Variants in CAPN8 observed in about 807,000 individuals in gnomAD.
The protein encoded by CAPN8 is calpain 8, also known as calpain-8.
Under a neutral mutation model 80.9 loss-of-function variants are expected in CAPN8, and 87 were observed. The observed-to-expected ratio is 1.07, with a 90% CI of 0.90 to 1.28. CAPN8 has a LOEUF of 1.28. CAPN8 is among the 50% of genes most tolerant of loss of function. The pLI, the probability that CAPN8 is intolerant of heterozygous loss-of-function variation, is 0.00. For synonymous variants in CAPN8, 299 were observed against 273.8 expected (o/e 1.09, Z -0.91); for missense variants, 757 against 702.0 (o/e 1.08, Z -0.89).
chr1:223,646,840 G>A (rs1261627229), intron 2 of CAPN8, among the ~76,000 whole-genome samples: 1 of 152,148 alleles, frequency 6.6e-6, no homozygotes, highest in African/African-American at 2.4e-5. Context: ...CCTAACACTG[G>A]GGTCTGTGAA....
chr1:223,549,516 G>C (rs897369388), intron 15 of CAPN8, 134 bp from the exon 16 acceptor site: 2 of 1,363,094 alleles, frequency 1.5e-6, no homozygotes, highest in East Asian at 2.5e-5. Flanking sequence ...CAAAAGGGGA[G>C]AGCATCATGG....
chr1:223,550,277 G>A (rs1656748267), intron 15 of CAPN8, among the ~76,000 whole-genome samples: 1 of 152,226 alleles, frequency 6.6e-6, no homozygotes, highest in East Asian at 1.9e-4. Flanking sequence ...TCGTCCCTGG[G>A]AAGGGTATGA....
At chr1:223,617,719 A>G (rs1183223226) in intron 9 of CAPN8, 1 of 152,902 alleles carries the variant, frequency 6.5e-6, no homozygotes, top group Admixed American at 6.5e-5. Context: ...ACTCCCATTT[A>G]TATAATGCTA....
chr1:223,616,948 T>A (rs552772958), intron 9 of CAPN8: 2 of 152,200 alleles, frequency 1.3e-5, no homozygotes, highest in Non-Finnish European at 2.9e-5. Flanking sequence ...GAATAGTAAG[T>A]ACACAAGCCA....
chr1:223,546,737 A>C (rs188462307), intron 16 of CAPN8, among the ~76,000 whole-genome samples: 21 of 152,314 alleles, frequency 1.4e-4, no homozygotes, highest in Middle Eastern at 3.4e-3. Flanking sequence ...CACCTCAATA[A>C]GTGGTAGAGC....
intron 2 of CAPN8, among the ~76,000 whole-genome samples, chr1:223,634,715 C>T (rs1222969837): frequency 1.3e-5 from 2 of 152,122 alleles, no homozygotes; most frequent in South Asian, 2.1e-4. Flanking sequence ...GGTGAGGGAG[C>T]TCTCTAGGGC....
At chr1:223,622,287 C>T (rs1461227398) in intron 7 of CAPN8, among the ~76,000 whole-genome samples, 1 of 152,200 alleles carries the variant, frequency 6.6e-6, no homozygotes, top group African/African-American at 2.4e-5. Flanking sequence ...AGCAGAGAGG[C>T]CTGCCCAAGA....
chr1:223,650,528 CT>C (rs1658317574), intron 2 of CAPN8, among the ~76,000 whole-genome samples: 1 of 152,190 alleles, frequency 6.6e-6, no homozygotes, highest in Admixed American at 6.5e-5. Flanking sequence ...GAGGGAAAGT[CT>C]GGAATCATTA....
At chr1:223,625,438 TA>T (rs1657541095) in intron 6 of CAPN8, among the ~76,000 whole-genome samples, 2 of 152,240 alleles carry the variant, frequency 1.3e-5, no homozygotes, top group African/African-American at 4.8e-5. Flanking sequence ...AACCTTCTTT[TA>T]TTTTTTTTGT....
chr1:223,544,673 G>A, intron 18 of CAPN8, 99 bp downstream of exon 18: 2 of 1,502,266 alleles, frequency 1.3e-6, no homozygotes, highest in Middle Eastern at 2.0e-4. Flanking sequence ...ATATAAGAAA[G>A]CTACAAATGA....
chr1:223,654,648 CATTTTTTATTT>C (rs1026719939), intron 1 of CAPN8, among the ~76,000 whole-genome samples: 36 of 152,146 alleles, frequency 2.4e-4, no homozygotes, highest in African/African-American at 3.1e-4. Flanking sequence ...CTAGTGTTTT[CATTTTTTATTT>C]ATTTTTTATT....
At chr1:223,618,881 AG>A (rs1657286627) in intron 9 of CAPN8, among the ~76,000 whole-genome samples, 3 of 152,212 alleles carry the variant, frequency 2.0e-5, no homozygotes, top group African/African-American at 7.2e-5. Flanking sequence ...CAAAGTCCAA[AG>A]GCCTTATCCA....
intron 5 of CAPN8, among the ~76,000 whole-genome samples, chr1:223,626,530 C>T (rs1456281292): frequency 6.6e-6 from 1 of 152,096 alleles, no homozygotes; most frequent in African/African-American, 2.4e-5. Flanking sequence ...CCTTGGAAAT[C>T]CACACAGCTC....
intron 10 of CAPN8, among the ~76,000 whole-genome samples, chr1:223,614,869 C>G (rs563121297): frequency 5.3e-5 from 8 of 152,358 alleles, no homozygotes; most frequent in African/African-American, 1.9e-4. Flanking sequence ...TACTTACATT[C>G]TAGGTGGAGA....
intron 14 of CAPN8, among the ~76,000 whole-genome samples, chr1:223,552,512 C>T (rs1191231304): frequency 7.0e-6 from 1 of 142,670 alleles, no homozygotes; most frequent in African/African-American, 2.6e-5. Context: ...TGCAGTGAGC[C>T]GTGCACCACT....
Position 223,543,091 on chromosome 1 carries a change from A to G in CAPN8, c.2088+17T>C. ...AGTACCATCAGCCAGCAATTCATCA[A>G]ACCTCAGGACATTCACCTCGGCCAG... On this transcript the variant is annotated intron_variant, in intron 20 of 20. Coordinates refer to ENST00000366872, the MANE Select transcript of CAPN8 (RefSeq NM_001143962.2). The G allele has an allele frequency of 6.4e-7, 1 of 1,551,490 alleles. No homozygotes were observed. The highest frequency in any genetic ancestry group is 8.7e-7 in the Non-Finnish European group (1 of 1,146,918).
chr1:223,612,452 A>G lies in CAPN8; in HGVS notation c.1312-195T>C, dbSNP rs1219657161. Among the ~76,000 whole-genome samples, 7 of 152,112 alleles carry G rather than the reference A, an allele frequency of 4.6e-5. No homozygotes were observed. In the East Asian group the frequency reaches 1.2e-3, roughly 25 times the overall value. On this transcript the variant is annotated intron_variant, in intron 10 of 20. Coordinates refer to ENST00000366872, the MANE Select transcript of CAPN8 (RefSeq NM_001143962.2). ...CTGATGAATTTCAAGGCCATCTATAAATAGGATCCTAGAAATCTGGTGGGG... is the reference window on the plus strand; with the variant it reads ...CTGATGAATTTCAAGGCCATCTATAGATAGGATCCTAGAAATCTGGTGGGG...
intron 2 of CAPN8, among the ~76,000 whole-genome samples, chr1:223,630,299 G>GCT (rs34412505): frequency 4.8e-5 from 7 of 146,942 alleles, no homozygotes; most frequent in South Asian, 2.1e-4. Flanking sequence ...CCGCTCACTC[G>GCT]CTCTCTCTCT....
At chr1:223,623,627 T>G (rs973318179) in intron 6 of CAPN8, among the ~76,000 whole-genome samples, 1 of 152,204 alleles carries the variant, frequency 6.6e-6, no homozygotes, top group Admixed American at 6.5e-5. Flanking sequence ...TCATTTCCTG[T>G]GTATCCCCCA....
Sources: allele counts gnomAD v4.1 joint callset (sites outside exome capture counted in the v4.1 genomes callset), GRCh38; gene constraint gnomAD v4.1.1; transcripts MANE v1.5; gene names NCBI Gene and HGNC (gene_info 2026-07-23, HGNC 2026-07-21).